The following RORA variants were observed in gnomAD, a reference collection of about 807,000 sequenced individuals.
RORA encodes RAR related orphan receptor A.
Under a neutral mutation model 69.5 loss-of-function variants are expected in RORA, and 7 were observed. The observed-to-expected ratio is 0.10, with a 90% CI of 0.06 to 0.19. The LOEUF is 0.19. RORA is among the 10% of genes least tolerant of loss of function. RORA has a pLI of 1.00. For missense variants in RORA, 457 were observed against 663.0 expected (o/e 0.69, Z 3.41); for synonymous variants, 261 against 240.8 (o/e 1.08, Z -0.78).
At chr15:61,044,794 C>T (rs1351194777) in intron 1 of RORA, among the ~76,000 whole-genome samples, 2 of 152,204 alleles carry the variant, frequency 1.3e-5, no homozygotes, top group African/African-American at 2.4e-5. Flanking sequence ...GAATCTCAGG[C>T]CCCATCCCAG....
In RORA at chr15:60,553,928, A is replaced by C. The variant is rs112926974; in HGVS notation, c.197-22077T>G. The stretch of plus-strand genomic sequence containing the variant: ...GTTAAAATGGTATATAAGCCTCCAG[A>C]TCTGATGACCTTCTTGGGGGTATTC... On this transcript the variant is annotated intron_variant, in intron 2 of 10. Coordinates refer to ENST00000335670, the MANE Select transcript of RORA (RefSeq NM_134261.3). 8.7e-3 allele frequency among the ~76,000 whole-genome samples: 1,323 copies of C among 152,158 alleles called. 17 individuals carry two copies. Among genetic ancestry groups the C allele is most frequent in the African/African-American group, 0.031 (1,266 of 41,500 alleles).
intron 1 of RORA, among the ~76,000 whole-genome samples, chr15:61,169,504 C>T (rs1328391411): frequency 6.6e-6 from 1 of 151,986 alleles, no homozygotes; most frequent in Non-Finnish European, 1.5e-5. Context: ...GGTACCCCCT[C>T]TCTGCCTCCT....
At chr15:60,673,135 C>G (rs553079941) in intron 2 of RORA, among the ~76,000 whole-genome samples, 1 of 152,264 alleles carries the variant, frequency 6.6e-6, no homozygotes, top group African/African-American at 2.4e-5. Flanking sequence ...TACTTTTTGT[C>G]CAAATGCAAT....
chr15:60,948,958 T>C (rs919166460), intron 1 of RORA, among the ~76,000 whole-genome samples: 1 of 152,176 alleles, frequency 6.6e-6, no homozygotes, highest in East Asian at 1.9e-4. Flanking sequence ...GATATAAGGA[T>C]CTGAACAGGC....
In RORA at chr15:60,514,617, A is replaced by C; in HGVS notation, c.423T>G (p.Asp141Glu). 6.2e-7 allele frequency: 1 copy of C among 1,614,042 alleles called. No homozygotes were observed. Among genetic ancestry groups the C allele is most frequent in the Non-Finnish European group, 8.5e-7 (1 of 1,179,924 alleles). The change falls in exon 4 of 11, where the codon GAT (aspartate) becomes GAG (glutamate). Residue 141 changes from aspartate to glutamate, a missense_variant and splice_region_variant. Transcript: ENST00000335670. ...QKCLAVGMSR[D>E]AVKFGRMSKK... is the part of the protein sequence containing the mutation. ...ACAACTCAAGCTGTGAGAGCTCACC[A>C]TCTCGAGACATCCCTACGGCAAGGC... is the stretch of plus-strand genomic sequence containing the variant.
intron 1 of RORA, among the ~76,000 whole-genome samples, chr15:60,922,677 T>G (rs935147648): frequency 6.6e-6 from 1 of 152,310 alleles, no homozygotes; most frequent in Admixed American, 6.5e-5. Flanking sequence ...AGTCAATAGA[T>G]AGGAAAGCTG....
At chr15:60,885,616 CA>C (rs2073742067) in intron 1 of RORA, among the ~76,000 whole-genome samples, 1 of 152,202 alleles carries the variant, frequency 6.6e-6, no homozygotes, top group Non-Finnish European at 1.5e-5. Flanking sequence ...TGTCTACTTT[CA>C]ATGTTGGCTT....
intron 1 of RORA, among the ~76,000 whole-genome samples, chr15:60,711,856 G>T (rs775207079): frequency 6.6e-6 from 1 of 152,104 alleles, no homozygotes; most frequent in African/African-American, 2.4e-5. Context: ...TTAAAATACC[G>T]CTACTGAAAC....
At chr15:60,706,425 G>A (rs2071064101) in intron 1 of RORA, 1 of 152,204 alleles carries the variant, frequency 6.6e-6, no homozygotes, top group Non-Finnish European at 1.5e-5. Context: ...GGGTCTGTAT[G>A]GGGTATTTTG....
chr15:61,038,074 T>C (rs1308532143), intron 1 of RORA, among the ~76,000 whole-genome samples: 2 of 152,216 alleles, frequency 1.3e-5, no homozygotes, highest in Non-Finnish European at 2.9e-5. Flanking sequence ...AAAAACCAAG[T>C]ATGAACATTC....
At chr15:61,146,717 G>A (rs1354193828) in intron 1 of RORA, among the ~76,000 whole-genome samples, 1 of 152,128 alleles carries the variant, frequency 6.6e-6, no homozygotes, top group Non-Finnish European at 1.5e-5. Flanking sequence ...CACACCAAAA[G>A]GCACATCCTT....
intron 2 of RORA, among the ~76,000 whole-genome samples, chr15:60,673,450 C>CTCAGACTG (rs2070505097): frequency 6.6e-6 from 1 of 152,214 alleles, no homozygotes; most frequent in Non-Finnish European, 1.5e-5. Context: ...TTTTTACTTT[C>CTCAGACTG]TCAGACTGGC....
At chr15:61,089,537 G>A (rs2078673881) in intron 1 of RORA, among the ~76,000 whole-genome samples, 1 of 152,192 alleles carries the variant, frequency 6.6e-6, no homozygotes, top group African/African-American at 2.4e-5. Context: ...TGAAAAGGAT[G>A]CCTTTCACTT....
chr15:61,218,085 C>A (rs1343791910), intron 1 of RORA, among the ~76,000 whole-genome samples: 3 of 151,806 alleles, frequency 2.0e-5, no homozygotes, highest in Admixed American at 1.3e-4. Flanking sequence ...ATCATGAAAC[C>A]AATGTGGTGG....
chr15:60,631,014 C>G lies in RORA; in HGVS notation c.196+47643G>C, dbSNP rs990533367. On this transcript the variant is annotated intron_variant, in intron 2 of 10. Coordinates refer to ENST00000335670, the MANE Select transcript of RORA (RefSeq NM_134261.3). ...AAGCGATTCTCCTGCCTCAGCCTCCCGAGTAGCTGGGATTACAGGCACCCA... is the reference window on the plus strand; with the variant it reads ...AAGCGATTCTCCTGCCTCAGCCTCCGGAGTAGCTGGGATTACAGGCACCCA... Among the ~76,000 whole-genome samples, 12 of 151,604 alleles carry G rather than the reference C, an allele frequency of 7.9e-5. No homozygotes were observed. In the South Asian group the frequency reaches 1.0e-3, roughly 13 times the overall value.
At chr15:60,771,368 T>C (rs1388167236) in intron 1 of RORA, among the ~76,000 whole-genome samples, 3 of 152,236 alleles carry the variant, frequency 2.0e-5, no homozygotes, top group African/African-American at 7.2e-5. Flanking sequence ...CATTCATTGG[T>C]ACATCTCACA....
chr15:60,841,702 C>T (rs1325201413), intron 1 of RORA, among the ~76,000 whole-genome samples: 1 of 152,208 alleles, frequency 6.6e-6, no homozygotes, highest in African/African-American at 2.4e-5. Flanking sequence ...CCTCCACACA[C>T]CTGGTCAGTC....
chr15:60,940,509 G>A (rs1248624598), intron 1 of RORA, among the ~76,000 whole-genome samples: 2 of 152,298 alleles, frequency 1.3e-5, no homozygotes, highest in East Asian at 1.9e-4. Context: ...GCAGGGGGAC[G>A]GGATTGAGAG....
intron 1 of RORA, among the ~76,000 whole-genome samples, chr15:61,092,112 A>G (rs1046235733): frequency 1.3e-5 from 2 of 152,262 alleles, no homozygotes; most frequent in Non-Finnish European, 2.9e-5. Context: ...GTTTGGGATC[A>G]GGAGAAAGGA....
Sources: gnomAD v4.1 joint callset for allele counts (sites outside exome capture counted in the v4.1 genomes callset) on GRCh38, gnomAD v4.1.1 for gene constraint, MANE v1.5 for transcripts, NCBI Gene and HGNC (gene_info 2026-07-23, HGNC 2026-07-21) for gene names.